The following SFMBT2 variants were observed in gnomAD, a reference collection of about 807,000 sequenced individuals.
SFMBT2 encodes Scm like with four mbt domains 2, also known as scm-like with four MBT domains protein 2.
A neutral mutation model predicts 110.1 loss-of-function variants in SFMBT2; 38 were observed. The observed-to-expected ratio is 0.35, with a 90% CI of 0.27 to 0.45. The LOEUF (loss-of-function observed/expected upper bound fraction) is 0.45. Among genes scored for constraint, SFMBT2 ranks in the 20% least tolerant of loss-of-function variants. The pLI is 1.00. For missense variants in SFMBT2, 1,011 were observed against 1,094.9 expected (o/e 0.92, Z 1.08); for synonymous variants, 425 against 425.4 (o/e 1.00, Z 0.01).
intron 7 of SFMBT2, chr10:7,249,360 TC>T (rs1564404459): frequency 3.9e-6 from 1 of 259,230 alleles, no homozygotes; most frequent in African/African-American, 2.3e-5. Flanking sequence ...AATTTCAATA[TC>T]CACTTCAGCT....
chr10:7,173,239 C>T (rs185963160), intron 17 of SFMBT2, among the ~76,000 whole-genome samples: 88 of 152,320 alleles, frequency 5.8e-4, no homozygotes, highest in African/African-American at 1.8e-3. Context: ...ACAGTTCCCA[C>T]GGGAGTTTAT....
At chr10:7,396,052 T>A (rs1845917590) in intron 1 of SFMBT2, among the ~76,000 whole-genome samples, 1 of 152,116 alleles carries the variant, frequency 6.6e-6, no homozygotes, top group Non-Finnish European at 1.5e-5. Context: ...CTGGCCAACA[T>A]GGTGAAACCC....
intron 7 of SFMBT2, among the ~76,000 whole-genome samples, chr10:7,268,958 G>A (rs1297247840): frequency 6.6e-6 from 1 of 152,166 alleles, no homozygotes. Flanking sequence ...ATACAGTGCA[G>A]TCACCTCTAC....
At position 7,329,451 on chromosome 10, in the gene SFMBT2, G is replaced by A. The variant is rs1046890329; in HGVS notation, c.436+38198C>T. 3 of 985,346 alleles carry A rather than the reference G, an allele frequency of 3.0e-6. No homozygotes were observed. In the African/African-American group the frequency reaches 5.2e-5, roughly 17 times the overall value. The allele number at this position is 985,346 out of a possible 1,614,324, so 61.0% of individuals were successfully genotyped here. ...ATCCCCACAACCACAAAAGCGGTGAGGGAACTGAGGAAATGTGTGTGGTGA... is the reference window on the plus strand; with the variant it reads ...ATCCCCACAACCACAAAAGCGGTGAAGGAACTGAGGAAATGTGTGTGGTGA... On this transcript the variant is annotated intron_variant, in intron 4 of 20. Transcript: ENST00000397167.
At chr10:7,313,920 C>T (rs528744843) in intron 4 of SFMBT2, among the ~76,000 whole-genome samples, 93 of 152,330 alleles carry the variant, frequency 6.1e-4, no homozygotes, top group African/African-American at 2.1e-3. Flanking sequence ...TATCTAGATA[C>T]ATGCACAGCT....
chr10:7,388,524 A>ATTTTTT (rs60231769), intron 1 of SFMBT2, among the ~76,000 whole-genome samples: 149 of 112,016 alleles, frequency 1.3e-3, no homozygotes, highest in African/African-American at 3.7e-3. Flanking sequence ...TACCCAGCTA[A>ATTTTTT]TTTTTTTTTT....
rs1841174257 is a variant in SFMBT2, at chr10:7,260,880, G to A, written c.871-12231C>T. Among the ~76,000 whole-genome samples the A allele has an allele frequency of 2.0e-5, 3 of 151,956 alleles. No individual in the cohort carries two copies. In the South Asian group the frequency reaches 6.2e-4, roughly 31 times the overall value. ...GAATAGGCAACACTGAATACTCTCAGAATTCATTTTCTGGTTCTTTGTTAT... is the reference window on the plus strand; with the variant it reads ...GAATAGGCAACACTGAATACTCTCAAAATTCATTTTCTGGTTCTTTGTTAT... On this transcript the variant is annotated intron_variant, in intron 7 of 20. Transcript: ENST00000397167.
Position 7,200,561 on chromosome 10 carries a change from A to T in SFMBT2, c.1488-77T>A, listed in dbSNP as rs1385229852. The T allele has an allele frequency of 9.9e-6, 12 of 1,207,942 alleles. No homozygotes were observed. The Admixed American group carries it at 2.9e-4, about 29-fold the overall frequency. The allele number at this position is 1,207,942 out of a possible 1,614,324, so 74.8% of individuals were successfully genotyped here. ...TACTACATTCCAAAGTCTTACCATA[A>T]TTTAAAAGGGCTCTTCCAGAAATCT... On this transcript the variant is annotated intron_variant, in intron 13 of 20. Coordinates refer to ENST00000397167, the MANE Select transcript of SFMBT2 (RefSeq NM_001387889.1).
At chr10:7,183,048 G>C (rs1838288693) in intron 16 of SFMBT2, among the ~76,000 whole-genome samples, 1 of 151,974 alleles carries the variant, frequency 6.6e-6, no homozygotes, top group African/African-American at 2.4e-5. Flanking sequence ...CAAAGTAAGA[G>C]GAAAATATTA....
At chr10:7,302,093 T>C (rs556066529) in intron 4 of SFMBT2, among the ~76,000 whole-genome samples, 1 of 152,284 alleles carries the variant, frequency 6.6e-6, no homozygotes, top group African/African-American at 2.4e-5. Context: ...GGTAATTCCA[T>C]GACCTACCTT....
intron 15 of SFMBT2, among the ~76,000 whole-genome samples, chr10:7,192,637 G>C (rs1044001786): frequency 1.3e-4 from 20 of 152,212 alleles, no homozygotes; most frequent in African/African-American, 4.8e-4. Context: ...ATCGCTTAAT[G>C]CATCAGCCAC....
chr10:7,176,268 C>G, intron 16 of SFMBT2, 103 bp from the exon 17 acceptor site: 1 of 1,256,806 alleles, frequency 8.0e-7, no homozygotes, highest in South Asian at 1.4e-5. Context: ...TTTCCAATGA[C>G]AAAGCATATC....
At chr10:7,206,740 G>A in intron 11 of SFMBT2, 1 of 723,912 alleles carries the variant, frequency 1.4e-6, no homozygotes, top group Non-Finnish European at 1.7e-6. Flanking sequence ...AAAGTTTCAA[G>A]GAGCTCTGGC....
At chr10:7,314,976 G>GA (rs1564435144) in intron 4 of SFMBT2, among the ~76,000 whole-genome samples, 6 of 144,698 alleles carry the variant, frequency 4.1e-5, no homozygotes, top group Non-Finnish European at 9.0e-5. Context: ...GAGAGAGAGA[G>GA]GGAGAAAGAG....
chr10:7,185,266 A>C (rs1373666626), intron 16 of SFMBT2, among the ~76,000 whole-genome samples: 1 of 152,216 alleles, frequency 6.6e-6, no homozygotes, highest in Non-Finnish European at 1.5e-5. Flanking sequence ...CGCGAAGTTC[A>C]CCTCGTGCGT....
chr10:7,370,149 G>A lies in SFMBT2; in HGVS notation c.195+132C>T, dbSNP rs1026360251. On this transcript the variant is annotated intron_variant, in intron 3 of 20. Transcript: ENST00000397167. ...CCCAAAGTGCTGGGATTACAGGTGT[G>A]AGCCACCATGCCTGGCCACGAATTT... 10 of 707,118 alleles carry A rather than the reference G, an allele frequency of 1.4e-5. No individual in the cohort carries two copies. The East Asian group carries it at 1.6e-4, about 12-fold the overall frequency. 43.8% of individuals were successfully genotyped at this position (707,118 alleles called of 1,614,324 possible). A position where few individuals can be genotyped will look rare whatever the true frequency, so the allele number is the denominator to read the frequency against.
Position 7,166,649 on chromosome 10 carries a change from T to C in SFMBT2, c.2545-2739A>G, listed in dbSNP as rs61836737. Among the ~76,000 whole-genome samples the C allele has an allele frequency of 4.3e-3, 650 of 152,182 alleles. 2 individuals carry two copies. Among genetic ancestry groups the C allele is most frequent in the Non-Finnish European group, 5.8e-3 (392 of 68,010 alleles). ...CTATTAGGATACAGGGATATTAACATATGGATGCAGAGCTAAGGGCTCAAA... is the reference window on the plus strand; with the variant it reads ...CTATTAGGATACAGGGATATTAACACATGGATGCAGAGCTAAGGGCTCAAA... On this transcript the variant is annotated intron_variant, in intron 20 of 20. Coordinates refer to ENST00000397167, the MANE Select transcript of SFMBT2 (RefSeq NM_001387889.1).
intron 4 of SFMBT2, among the ~76,000 whole-genome samples, chr10:7,325,922 T>C (rs534133271): frequency 4.6e-5 from 7 of 152,342 alleles, no homozygotes; most frequent in Non-Finnish European, 7.3e-5. Flanking sequence ...TCAATAAATA[T>C]GTTAAAAATT....
At chr10:7,219,299 C>T (rs958866271) in intron 11 of SFMBT2, among the ~76,000 whole-genome samples, 2 of 152,166 alleles carry the variant, frequency 1.3e-5, no homozygotes, top group Non-Finnish European at 2.9e-5. Context: ...TACTTGAAAA[C>T]CTACTAAGCA....
Sources: gnomAD v4.1 joint callset for allele counts (sites outside exome capture counted in the v4.1 genomes callset) on GRCh38, gnomAD v4.1.1 for gene constraint, MANE v1.5 for transcripts, NCBI Gene and HGNC (gene_info 2026-07-23, HGNC 2026-07-21) for gene names.